The following FRG1 variants were observed in gnomAD, a reference collection of about 807,000 sequenced individuals.
FRG1 encodes the protein FSHD region gene 1, also known as protein FRG1.
FRG1 carries 19 observed loss-of-function variants against 37.0 expected under a neutral mutation model. That is an observed-to-expected ratio of 0.51 (90% CI 0.36 to 0.75). FRG1 has a LOEUF of 0.75. Ranked by LOEUF, FRG1 falls within the 30% of genes least tolerant of loss-of-function variation. The probability of loss-of-function intolerance (pLI) is 0.00; values close to 1 mark genes in which losing one functional copy is unlikely to be tolerated. For synonymous variants in FRG1, 73 were observed against 96.5 expected (o/e 0.76, Z 1.43); for missense variants, 243 against 301.4 (o/e 0.81, Z 1.44).
intron 6 of FRG1, among the ~76,000 whole-genome samples, chr4:189,959,365 G>A (rs1184844896): frequency 2.0e-5 from 3 of 152,108 alleles, no homozygotes; most frequent in Admixed American, 1.3e-4. Context: ...TTACAGACAA[G>A]AAGACAGCCT....
At chr4:189,950,885 C>T (rs1164529752) in intron 2 of FRG1, among the ~76,000 whole-genome samples, 6 of 152,028 alleles carry the variant, frequency 3.9e-5, no homozygotes, top group East Asian at 3.9e-4. Flanking sequence ...CATTTCTTAA[C>T]GTGGTATGTC....
Position 189,941,070 on chromosome 4 carries a change from A to G in FRG1, c.61A>G (p.Ser21Gly). 6.2e-7 allele frequency: 1 copy of G among 1,613,844 alleles called. No individual in the cohort carries two copies. Among genetic ancestry groups the G allele is most frequent in the Non-Finnish European group, 8.5e-7 (1 of 1,179,744 alleles). ...CGTGCTCAAGGGAACCAAGACGAAG[A>G]GGTGGGTCCTGCAGCTTGGGCGGGA... Reference protein sequence around the residue: ...KLVLKGTKTKSKKKKSKDKKR... With the variant: ...KLVLKGTKTKGKKKKSKDKKR... Residue 21 changes from serine to glycine, a missense_variant and splice_region_variant, in exon 1 of 9, where the codon AGT becomes GGT. Ser to Gly is a moderately conservative substitution (Grantham distance 56). This residue lies in a region of FRG1 where 110 missense variants were observed against 102.2 expected (regional missense o/e 1.08). Transcript: ENST00000226798.
chr4:189,943,549 C>G (rs200154706), intron 2 of FRG1, among the ~76,000 whole-genome samples: 1 of 152,108 alleles, frequency 6.6e-6, no homozygotes, highest in African/African-American at 2.4e-5. Context: ...TTTTAAAGGC[C>G]TAATGTAAAT....
At chr4:189,952,777 A>G (rs1736813720) in intron 3 of FRG1, among the ~76,000 whole-genome samples, 1 of 152,210 alleles carries the variant, frequency 6.6e-6, no homozygotes, top group African/African-American at 2.4e-5. Flanking sequence ...AGCTTTTTAA[A>G]TAAGTGCTTA....
At chr4:189,958,105 G>GTTTTCTC (rs70947950) in intron 6 of FRG1, among the ~76,000 whole-genome samples, 41,833 of 151,098 alleles carry the variant, frequency 0.28, 5,936 homozygotes, top group Middle Eastern at 0.42. Context: ...AATGTAGAAA[G>GTTTTCTC]TTTTCTCTTT....
chr4:189,952,197 T>A lies in FRG1; in HGVS notation c.169T>A (p.Ser57Thr). The A allele has an allele frequency of 6.2e-7, 1 of 1,601,026 alleles. No homozygotes were observed. Among genetic ancestry groups the A allele is most frequent in the Non-Finnish European group, 8.5e-7 (1 of 1,173,122 alleles). Residue 57 changes from serine to threonine, a missense_variant, in exon 3 of 9, where the codon TCA becomes ACA. Coordinates refer to ENST00000226798, the MANE Select transcript of FRG1 (RefSeq NM_004477.3). ...GACAGTAACAAACTTTGGTGAAATT[T>A]CAGGAACCATAGCCATTGAAATGGA... ...WWTVTNFGEI[S>T]GTIAIEMDKG...
chr4:189,946,841 TTTTG>T lies in FRG1; in HGVS notation c.133+3589_133+3592del, dbSNP rs549515312. 6.0e-3 allele frequency among the ~76,000 whole-genome samples: 906 copies of T among 151,898 alleles called. 7 individuals are homozygous for T. Among genetic ancestry groups the T allele is most frequent in the African/African-American group, 0.021 (866 of 41,458 alleles). The stretch of plus-strand genomic sequence containing the variant: ...ATTCTGCAGATGTTGGTTCAGGGTT[TTTTG>T]TTTGTTTGTTTGTTTGTTTTTTTGG... On this transcript the variant is annotated intron_variant, in intron 2 of 8. Transcript: ENST00000226798.
rs1737198713 is a variant in FRG1, at chr4:189,960,843, T to C, written c.629+4T>C. ...AACAATGTGAAATCAATTATGTGTA[T>C]GTATTCTTTTCCTTTTAGACCTACA... On this transcript the variant is annotated splice_donor_region_variant and intron_variant, in intron 7 of 8. Coordinates refer to ENST00000226798, the MANE Select transcript of FRG1 (RefSeq NM_004477.3). 6.2e-7 allele frequency: 1 copy of C among 1,604,504 alleles called. No individual in the cohort carries two copies. Among genetic ancestry groups the C allele is most frequent in the Non-Finnish European group, 8.5e-7 (1 of 1,177,862 alleles).
intron 2 of FRG1, among the ~76,000 whole-genome samples, chr4:189,946,782 T>TC (rs1736546832): frequency 2.6e-5 from 4 of 152,332 alleles, no homozygotes; most frequent in Admixed American, 2.0e-4. Context: ...AGAACATACT[T>TC]TCTTAGTGAA....
intron 1 of FRG1, among the ~76,000 whole-genome samples, chr4:189,942,385 T>C (rs1736348400): frequency 6.6e-6 from 1 of 152,030 alleles, no homozygotes. Flanking sequence ...CATCCCATCC[T>C]CCCCCTCTCC....
chr4:189,955,250 A>G (rs1169435763), intron 5 of FRG1, 99 bp downstream of exon 5: 2 of 689,282 alleles, frequency 2.9e-6, no homozygotes, highest in African/African-American at 3.6e-5. Flanking sequence ...GTAGGATGCA[A>G]TAGTGTAATA....
chr4:189,949,626 G>A (rs1209907363), intron 2 of FRG1, among the ~76,000 whole-genome samples: 1 of 151,868 alleles, frequency 6.6e-6, no homozygotes, highest in African/African-American at 2.4e-5. Flanking sequence ...TGGTCAATGT[G>A]GCATAGAACA....
At chr4:189,960,864 C>T in intron 7 of FRG1, 25 bp downstream of exon 7, 1 of 1,600,508 alleles carries the variant, frequency 6.2e-7, no homozygotes, top group African/African-American at 1.3e-5. Flanking sequence ...CCTTTTAGAC[C>T]TACAGATTTG....
intron 4 of FRG1, 150 bp downstream of exon 4, chr4:189,953,275 C>G: frequency 1.6e-6 from 2 of 1,276,062 alleles, no homozygotes; most frequent in Non-Finnish European, 2.1e-6. Flanking sequence ...TTGTGATCTA[C>G]TTTTAATGGA....
chr4:189,951,044 A>G (rs1255306204), intron 2 of FRG1, among the ~76,000 whole-genome samples: 1 of 152,108 alleles, frequency 6.6e-6, no homozygotes, highest in Non-Finnish European at 1.5e-5. Flanking sequence ...ATTTAGGAGG[A>G]GGTTTGAGGA....
At chr4:189,962,068 A>T (rs1462448563) in intron 8 of FRG1, 136 bp downstream of exon 8, 15 of 630,094 alleles carry the variant, frequency 2.4e-5, no homozygotes, top group Non-Finnish European at 4.2e-5. Context: ...TGGCAATATT[A>T]CCTAAAGAGG....
rs889205860 is a variant in FRG1, at chr4:189,950,197, C to T, written c.134-1965C>T. Among the ~76,000 whole-genome samples the T allele has an allele frequency of 2.0e-5, 3 of 152,142 alleles. No homozygotes were observed. The South Asian group carries it at 6.2e-4, about 32-fold the overall frequency. Reference sequence around the variant, plus strand: ...TGTATATCATCTTTGGAGCAATGTCCGTGTATATCCTTTGCCCAGTTTTGA... The same window carrying T: ...TGTATATCATCTTTGGAGCAATGTCTGTGTATATCCTTTGCCCAGTTTTGA... On this transcript the variant is annotated intron_variant, in intron 2 of 8. Coordinates refer to ENST00000226798, the MANE Select transcript of FRG1 (RefSeq NM_004477.3).
In FRG1 at chr4:189,960,661, C is replaced by T. The variant is rs1737190592; in HGVS notation, c.538-87C>T. 42 of 1,176,150 alleles carry T rather than the reference C, an allele frequency of 3.6e-5. No homozygotes were observed. The South Asian group carries it at 6.7e-4, about 19-fold the overall frequency. The allele number at this position is 1,176,150 out of a possible 1,614,324, so 72.9% of individuals were successfully genotyped here. ...TAATTTTTTCTTCTGCATAAGAAAT[C>T]ATCTCGAATGTTCTTATGTGATACG... On this transcript the variant is annotated intron_variant, in intron 6 of 8. Transcript: ENST00000226798.
In FRG1 at chr4:189,952,296, C is replaced by T. The variant is rs567319921; in HGVS notation, c.259+9C>T. 6.2e-7 allele frequency: 1 copy of T among 1,609,926 alleles called. No homozygotes were observed. Among genetic ancestry groups the T allele is most frequent in the Admixed American group, 1.7e-5 (1 of 59,702 alleles). ...AGCTCCACACAAAGAAGGTTTGTGT[C>T]TGGAAGGGAAGAGGCTGCCACAAGT... On this transcript the variant is annotated intron_variant, in intron 3 of 8. Coordinates refer to ENST00000226798, the MANE Select transcript of FRG1 (RefSeq NM_004477.3).
Sources: allele counts gnomAD v4.1 joint callset (sites outside exome capture counted in the v4.1 genomes callset), GRCh38; gene constraint gnomAD v4.1.1; regional missense constraint gnomAD v4.1.1; transcripts MANE v1.5; gene names NCBI Gene and HGNC (gene_info 2026-07-23, HGNC 2026-07-21).